The following SLCO3A1 variants were observed in gnomAD, a reference collection of about 807,000 sequenced individuals.
The protein encoded by SLCO3A1 is PGE1 transporter.
In SLCO3A1, 27 loss-of-function variants were observed where a neutral mutation model predicts 63.1. The observed-to-expected ratio is 0.43, with a 90% CI of 0.32 to 0.59. SLCO3A1 has a LOEUF of 0.59. Among genes scored for constraint, SLCO3A1 ranks in the 20% least tolerant of loss-of-function variants. The pLI is 0.09. For synonymous variants in SLCO3A1, 473 were observed against 409.9 expected (o/e 1.15, Z -1.86); for missense variants, 773 against 945.8 (o/e 0.82, Z 2.40).
chr15:92,110,117 C>T (rs1028963288), intron 4 of SLCO3A1, among the ~76,000 whole-genome samples: 12 of 152,154 alleles, frequency 7.9e-5, no homozygotes, highest in Non-Finnish European at 1.5e-4. Context: ...AGAGGCCATG[C>T]AGAGCCCAAG....
intron 2 of SLCO3A1, among the ~76,000 whole-genome samples, chr15:91,921,650 A>G (rs753570480): frequency 6.6e-6 from 1 of 152,052 alleles, no homozygotes; most frequent in Non-Finnish European, 1.5e-5. Flanking sequence ...TGTTGATGTC[A>G]TGGTAACTAT....
At chr15:92,086,502 A>G (rs898503193) in intron 2 of SLCO3A1, among the ~76,000 whole-genome samples, 2 of 152,104 alleles carry the variant, frequency 1.3e-5, no homozygotes, top group African/African-American at 4.8e-5. Context: ...TAGTCTACAT[A>G]TGAACTCCTT....
At chr15:92,012,733 T>C (rs1203169823) in intron 2 of SLCO3A1, among the ~76,000 whole-genome samples, 9 of 111,330 alleles carry the variant, frequency 8.1e-5, no homozygotes, top group Non-Finnish European at 1.4e-4. Flanking sequence ...TGAAATGCTG[T>C]CTCTAATTTA....
At chr15:92,121,366 G>A (rs1567131007) in intron 5 of SLCO3A1, among the ~76,000 whole-genome samples, 1 of 152,346 alleles carries the variant, frequency 6.6e-6, no homozygotes, top group Non-Finnish European at 1.5e-5. Context: ...AACAGCAACA[G>A]ACATAGCAGT....
intron 2 of SLCO3A1, among the ~76,000 whole-genome samples, chr15:91,983,050 G>T (rs1177988883): frequency 6.6e-6 from 1 of 152,226 alleles, no homozygotes; most frequent in Non-Finnish European, 1.5e-5. Flanking sequence ...ATCCTCTCCA[G>T]GTATCCCTTG....
chr15:91,886,509 G>A lies in SLCO3A1; in HGVS notation c.181-29484G>A, dbSNP rs1374613259. 6.6e-6 allele frequency among the ~76,000 whole-genome samples: 1 copy of A among 152,140 alleles called. No individual in the cohort carries two copies. The highest frequency in any genetic ancestry group is 1.5e-5 in the Non-Finnish European group (1 of 68,020). On this transcript the variant is annotated intron_variant, in intron 1 of 9. Transcript: ENST00000318445. This position sits in a 1 kb window ranked among gnomAD's most constrained non-coding sequence, Gnocchi z 4.9. The stretch of plus-strand genomic sequence containing the variant: ...CCCCAGTGAGCATTGACTTGGACCT[G>A]GTGATTTTCCTCTTTACGCTTTGCC...
chr15:91,902,979 T>C (rs1233032383), intron 1 of SLCO3A1, among the ~76,000 whole-genome samples: 2 of 152,258 alleles, frequency 1.3e-5, no homozygotes, highest in East Asian at 3.8e-4. Context: ...TGGATTCATC[T>C]ACATAGTGAT....
chr15:92,131,176 T>C (rs1789564086), intron 7 of SLCO3A1, among the ~76,000 whole-genome samples: 1 of 152,118 alleles, frequency 6.6e-6, no homozygotes, highest in Admixed American at 6.6e-5. Context: ...GAATGTAGGG[T>C]CTGTCCAATG....
At chr15:92,123,150 C>G (rs796605336) in intron 5 of SLCO3A1, among the ~76,000 whole-genome samples, 2 of 152,162 alleles carry the variant, frequency 1.3e-5, no homozygotes, top group Non-Finnish European at 2.9e-5. Context: ...GTAGGCCAGG[C>G]GTGGTGGCTC....
chr15:91,868,632 T>C (rs1327170977), intron 1 of SLCO3A1, among the ~76,000 whole-genome samples: 1 of 152,094 alleles, frequency 6.6e-6, no homozygotes, highest in African/African-American at 2.4e-5. Flanking sequence ...GGCTGGTTAG[T>C]CTTGTGTGGC....
At chr15:92,118,419 G>T (rs577456736) in intron 4 of SLCO3A1, among the ~76,000 whole-genome samples, 2 of 152,116 alleles carry the variant, frequency 1.3e-5, no homozygotes, top group Non-Finnish European at 2.9e-5. Flanking sequence ...CTAAGATGCT[G>T]ATCTTCTGTG....
chr15:92,162,548 G>T, intron 9 of SLCO3A1: 1 of 696,508 alleles, frequency 1.4e-6, no homozygotes, highest in Non-Finnish European at 2.2e-6. Context: ...TAAGGCAGGA[G>T]GGCTTAAATA....
intron 1 of SLCO3A1, among the ~76,000 whole-genome samples, chr15:91,901,576 A>G (rs1360941898): frequency 6.6e-6 from 1 of 152,148 alleles, no homozygotes; most frequent in African/African-American, 2.4e-5. Flanking sequence ...ATCTAGGAAT[A>G]CCTTTATTTT....
chr15:92,085,891 T>C (rs1596086581), intron 2 of SLCO3A1, among the ~76,000 whole-genome samples: 1 of 152,004 alleles, frequency 6.6e-6, no homozygotes, highest in Non-Finnish European at 1.5e-5. Flanking sequence ...TTTGGAATCC[T>C]GCATAAGTAG....
chr15:91,996,089 A>G (rs1388456780), intron 2 of SLCO3A1, among the ~76,000 whole-genome samples: 1 of 152,194 alleles, frequency 6.6e-6, no homozygotes, highest in African/African-American at 2.4e-5. Flanking sequence ...CCATATTTGC[A>G]GATAAGATTA....
In SLCO3A1 at chr15:91,882,183, A is replaced by G. The variant is rs1897605416; in HGVS notation, c.180+28095A>G. Among the ~76,000 whole-genome samples, 1 of 152,196 alleles carries G rather than the reference A, an allele frequency of 6.6e-6. No individual in the cohort carries two copies. The highest frequency in any genetic ancestry group is 2.4e-5 in the African/African-American group (1 of 41,456). On this transcript the variant is annotated intron_variant, in intron 1 of 9. Coordinates refer to ENST00000318445, the MANE Select transcript of SLCO3A1 (RefSeq NM_013272.4). This position sits in a 1 kb window ranked among gnomAD's most constrained non-coding sequence, Gnocchi z 4.4. ...CTAGGATCACGCTTAGCATGGTAAT[A>G]GTGAGATCTATGCACAGGAGGGGGC...
Position 92,165,833 on chromosome 15 carries a change from G to T in SLCO3A1, c.*2698G>T, listed in dbSNP as rs2151607676. 2 of 985,230 alleles carry T rather than the reference G, an allele frequency of 2.0e-6. No individual in the cohort carries two copies. Among genetic ancestry groups the T allele is most frequent in the East Asian group, 1.1e-4 (1 of 8,806 alleles). 61.0% of individuals were successfully genotyped at this position (985,230 alleles called of 1,614,324 possible). ...CTGTTTGGTTTCAAGTGAATGAAAA[G>T]ATTTCCTGGTAAGATCATTGGATTT... On this transcript the variant is annotated 3_prime_UTR_variant, in exon 10 of 10. Transcript: ENST00000318445.
In SLCO3A1 at chr15:92,163,108, G is replaced by C. The variant is rs778117545; in HGVS notation, c.2106G>C (p.Trp702Cys). Residue 702 changes from tryptophan to cysteine, a missense_variant, in exon 10 of 10, where the codon TGG becomes TGC. This residue lies in a region of SLCO3A1 where 139 missense variants were observed against 131.4 expected (regional missense o/e 1.06). Transcript: ENST00000318445. ...KFIYNLEDHE[W>C]CENMESVL ...TCTATAACCTGGAAGACCATGAGTG[G>C]TGTGAAAACATGGAGTCCGTTTTAT... 1.3e-6 allele frequency: 2 copies of C among 1,527,774 alleles called. No individual in the cohort carries two copies. The highest frequency in any genetic ancestry group is 1.8e-6 in the Non-Finnish European group (2 of 1,139,584). 94.6% of individuals were successfully genotyped at this position (1,527,774 alleles called of 1,614,324 possible).
chr15:92,094,819 G>A (rs2047518062), intron 2 of SLCO3A1, 62 bp from the exon 3 acceptor site: 1 of 1,023,730 alleles, frequency 9.8e-7, no homozygotes, highest in African/African-American at 1.6e-5. Flanking sequence ...TTGACCTTTG[G>A]TGATTTTGCT....
Sources: gnomAD v4.1 joint callset for allele counts (sites outside exome capture counted in the v4.1 genomes callset) on GRCh38, gnomAD v4.1.1 for gene constraint, gnomAD v4.1.1 regional missense constraint, Gnocchi (gnomAD v3.1) non-coding constraint, MANE v1.5 for transcripts, NCBI Gene and HGNC (gene_info 2026-07-23, HGNC 2026-07-21) for gene names.